The following PLPPR1 variants were observed in gnomAD, a reference collection of about 807,000 sequenced individuals.
The protein encoded by PLPPR1 is phospholipid phosphatase-related protein type 1.
Under a neutral mutation model 33.1 loss-of-function variants are expected in PLPPR1, and 10 were observed. That is an observed-to-expected ratio of 0.30 (90% CI 0.19 to 0.51). The LOEUF (loss-of-function observed/expected upper bound fraction) is 0.51, where lower values mean the gene tolerates loss of function less well. PLPPR1 is among the 20% of genes least tolerant of loss of function. PLPPR1 has a pLI of 0.97. For synonymous variants in PLPPR1, 151 were observed against 151.0 expected (o/e 1.00, Z 0.00); for missense variants, 304 against 408.1 (o/e 0.74, Z 2.20).
At chr9:101,315,603 CA>C (rs1317880712) in intron 6 of PLPPR1, among the ~76,000 whole-genome samples, 1 of 152,210 alleles carries the variant, frequency 6.6e-6, no homozygotes, top group Non-Finnish European at 1.5e-5. Flanking sequence ...AGTGACTTCC[CA>C]ATTGATGTCA....
chr9:101,237,978 C>CATATATATATAT (rs1464878741), intron 2 of PLPPR1, among the ~76,000 whole-genome samples: 3 of 75,304 alleles, frequency 4.0e-5, no homozygotes, highest in Non-Finnish European at 4.7e-5. Context: ...GGCTATATAG[C>CATATATATATAT]CTATATATAT....
At chr9:101,162,358 G>A (rs1825776176) in intron 1 of PLPPR1, among the ~76,000 whole-genome samples, 1 of 152,140 alleles carries the variant, frequency 6.6e-6, no homozygotes, top group Non-Finnish European at 1.5e-5. Context: ...TAAGTTTCTG[G>A]ATTGTTCCCA....
At position 101,153,405 on chromosome 9, in the gene PLPPR1, C is replaced by A. The variant is rs536437835; in HGVS notation, c.-45-32045C>A. On this transcript the variant is annotated intron_variant, in intron 1 of 7. Coordinates refer to ENST00000374874, the MANE Select transcript of PLPPR1 (RefSeq NM_207299.2). ...TTATTTCTTTCTCCTGCCTGATTGC[C>A]CTGGCCAGAACTTCCAACACTATGT... Among the ~76,000 whole-genome samples, 3 of 152,146 alleles carry A rather than the reference C, an allele frequency of 2.0e-5. No homozygotes were observed. The East Asian group carries it at 5.8e-4, about 29-fold the overall frequency.
chr9:101,080,386 T>A (rs1459552578), intron 1 of PLPPR1, among the ~76,000 whole-genome samples: 1 of 152,080 alleles, frequency 6.6e-6, no homozygotes, highest in East Asian at 1.9e-4. Flanking sequence ...TGGTAGCACA[T>A]GCCTGTAGTC....
chr9:101,076,145 A>G (rs1830533527), intron 1 of PLPPR1, among the ~76,000 whole-genome samples: 7 of 151,892 alleles, frequency 4.6e-5, no homozygotes. Context: ...CTCCAGGCCC[A>G]CCCCAGACCT....
intron 2 of PLPPR1, among the ~76,000 whole-genome samples, chr9:101,190,253 G>A (rs917287213): frequency 6.6e-6 from 1 of 152,070 alleles, no homozygotes; most frequent in African/African-American, 2.4e-5. Context: ...TATTTGCAGT[G>A]GAATGTTTTC....
intron 2 of PLPPR1, among the ~76,000 whole-genome samples, chr9:101,203,658 G>T (rs12339921): frequency 0.13 from 18,983 of 142,472 alleles, 1,423 homozygotes; most frequent in East Asian, 0.28. Flanking sequence ...ATATATCTAT[G>T]TGTGATGTGT....
At chr9:101,149,253 A>G (rs140341108) in intron 1 of PLPPR1, among the ~76,000 whole-genome samples, 15 of 152,354 alleles carry the variant, frequency 9.8e-5, no homozygotes, top group African/African-American at 2.6e-4. Flanking sequence ...TAAAGCATAG[A>G]CACTGGAATA....
chr9:101,275,183 T>C (rs1238260643), intron 3 of PLPPR1, among the ~76,000 whole-genome samples: 3 of 152,170 alleles, frequency 2.0e-5, no homozygotes, highest in Non-Finnish European at 4.4e-5. Flanking sequence ...ATCTCAAAAG[T>C]GTAGCTCAAT....
chr9:101,078,176 GA>G (rs1830568621), intron 1 of PLPPR1, among the ~76,000 whole-genome samples: 2 of 43,236 alleles, frequency 4.6e-5, no homozygotes, highest in African/African-American at 9.7e-5. Context: ...AGAAGAAGAA[GA>G]AGAAGAAGAG....
intron 4 of PLPPR1, among the ~76,000 whole-genome samples, chr9:101,308,120 G>A (rs1006357824): frequency 7.2e-5 from 11 of 152,146 alleles, no homozygotes; most frequent in African/African-American, 2.4e-4. Context: ...CCCACCAAAG[G>A]ATGATCATGT....
Position 101,238,173 on chromosome 9 carries a change from C to T in PLPPR1, c.64-31707C>T, listed in dbSNP as rs1827359816. ...TATACATATACACACATATATATACCCTATATATATGCCCTATATATATAC... is the reference window on the plus strand; with the variant it reads ...TATACATATACACACATATATATACTCTATATATATGCCCTATATATATAC... On this transcript the variant is annotated intron_variant, in intron 2 of 7. Transcript: ENST00000374874. 3.1e-5 allele frequency among the ~76,000 whole-genome samples: 4 copies of T among 129,382 alleles called. 1 individual carries two copies. The highest frequency in any genetic ancestry group is 4.9e-4 in the East Asian group (2 of 4,102). 84.9% of individuals were successfully genotyped at this position (129,382 alleles called of 152,430 possible).
At chr9:101,073,977 C>A (rs10989377) in intron 1 of PLPPR1, among the ~76,000 whole-genome samples, 5,914 of 152,122 alleles carry the variant, frequency 0.039, 173 homozygotes, top group East Asian at 0.082. Context: ...ATGAGAAAGG[C>A]AAGGATGCCA....
chr9:101,268,510 C>T (rs1346868365), intron 2 of PLPPR1, among the ~76,000 whole-genome samples: 2 of 152,122 alleles, frequency 1.3e-5, no homozygotes, highest in Admixed American at 1.3e-4. Context: ...CCTCCCCCAT[C>T]ACTCTCTACC....
intron 1 of PLPPR1, among the ~76,000 whole-genome samples, chr9:101,137,525 G>A (rs894116097): frequency 6.6e-6 from 1 of 152,178 alleles, no homozygotes; most frequent in East Asian, 1.9e-4. Flanking sequence ...CTGGGTGGAG[G>A]TGGTCCTGTG....
At chr9:101,215,673 A>G (rs1826779269) in intron 2 of PLPPR1, among the ~76,000 whole-genome samples, 1 of 150,892 alleles carries the variant, frequency 6.6e-6, no homozygotes, top group African/African-American at 2.4e-5. Context: ...CCATCATTGT[A>G]CTCTCTATCT....
At position 101,227,640 on chromosome 9, in the gene PLPPR1, G is replaced by A. The variant is rs1354745367; in HGVS notation, c.63+42083G>A. 4.6e-5 allele frequency among the ~76,000 whole-genome samples: 7 copies of A among 152,288 alleles called. No individual in the cohort carries two copies. The South Asian group carries it at 1.5e-3, about 32-fold the overall frequency. On this transcript the variant is annotated intron_variant, in intron 2 of 7. Transcript: ENST00000374874. ...GAGTTTCCAAGTGAATTGTAGGCCA[G>A]CAGCTCAGGCTATACATAATTTCAT...
intron 1 of PLPPR1, among the ~76,000 whole-genome samples, chr9:101,102,741 AACTAGTTTACAGTCCCACCAACAGTGT>A (rs1830922737): frequency 3.0e-5 from 3 of 100,454 alleles, no homozygotes; most frequent in Admixed American, 1.1e-4. Context: ...ACAATGGTTG[AACTAGTTTACAGTCCCACCAACAGTGT>A]AAAAGTGTTC....
chr9:101,043,389 A>G (rs886126137), intron 1 of PLPPR1, among the ~76,000 whole-genome samples: 2 of 151,488 alleles, frequency 1.3e-5, no homozygotes, highest in African/African-American at 2.4e-5. Flanking sequence ...ACGTATATAC[A>G]TACACATATA....
Sources: gnomAD v4.1 joint callset for allele counts (sites outside exome capture counted in the v4.1 genomes callset) on GRCh38, gnomAD v4.1.1 for gene constraint, MANE v1.5 for transcripts, NCBI Gene and HGNC (gene_info 2026-07-23, HGNC 2026-07-21) for gene names.